Variants in SPATA16 observed in about 807,000 individuals in gnomAD.
SPATA16 encodes spermatogenesis-associated protein 16.
A neutral mutation model predicts 63.3 loss-of-function variants in SPATA16; 36 were observed. The ratio of observed to expected loss-of-function variants is 0.57; its 90% CI spans 0.44 to 0.75. The LOEUF (loss-of-function observed/expected upper bound fraction) is 0.75, where lower values mean the gene tolerates loss of function less well. SPATA16 is among the 30% of genes least tolerant of loss of function. SPATA16 has a pLI of 0.00. For synonymous variants in SPATA16, 203 were observed against 216.7 expected, an observed-to-expected ratio of 0.94 and a Z score of 0.56; for missense variants, 646 against 679.3, an observed-to-expected ratio of 0.95 and a Z score of 0.54.
At chr3:172,951,349 C>T (rs1271181570) in intron 6 of SPATA16, among the ~76,000 whole-genome samples, 1 of 151,984 alleles carries the variant, frequency 6.6e-6, no homozygotes, top group African/African-American at 2.4e-5. Flanking sequence ...ATCTACAAGG[C>T]AGATTTGAAT....
intron 10 of SPATA16, among the ~76,000 whole-genome samples, chr3:172,901,845 C>A (rs1421644527): frequency 6.6e-6 from 1 of 152,152 alleles, no homozygotes; most frequent in Admixed American, 6.5e-5. Context: ...ACTGACACAA[C>A]ATTGTGGGAG....
At chr3:173,072,075 A>G (rs7649530) in intron 2 of SPATA16, among the ~76,000 whole-genome samples, 28,273 of 152,032 alleles carry the variant, frequency 0.19, 2,965 homozygotes, top group African/African-American at 0.29. Context: ...ATGTATCCAA[A>G]AGAAAATGAA....
At chr3:172,969,413 T>C (rs1442546479) in intron 5 of SPATA16, among the ~76,000 whole-genome samples, 2 of 152,206 alleles carry the variant, frequency 1.3e-5, no homozygotes, top group African/African-American at 4.8e-5. Context: ...TATGGTGGGC[T>C]AAGTTGGTCA....
chr3:172,904,975 C>A (rs1181915579), intron 10 of SPATA16, among the ~76,000 whole-genome samples: 1 of 152,106 alleles, frequency 6.6e-6, no homozygotes, highest in Non-Finnish European at 1.5e-5. Flanking sequence ...ATCCATTAGT[C>A]CCAGGAACCT....
At chr3:173,075,431 GA>G (rs1298573189) in intron 2 of SPATA16, among the ~76,000 whole-genome samples, 1 of 152,080 alleles carries the variant, frequency 6.6e-6, no homozygotes, top group Non-Finnish European at 1.5e-5. Context: ...CTGCTGGATA[GA>G]TACCTAATAG....
intron 2 of SPATA16, among the ~76,000 whole-genome samples, chr3:173,092,964 A>G (rs1737259585): frequency 6.6e-6 from 1 of 151,118 alleles, no homozygotes; most frequent in African/African-American, 2.4e-5. Flanking sequence ...CTATCATTGT[A>G]CTGTATTTCC....
intron 2 of SPATA16, among the ~76,000 whole-genome samples, chr3:173,096,761 CAT>C: frequency 6.6e-6 from 1 of 152,144 alleles, no homozygotes; most frequent in African/African-American, 2.4e-5. Flanking sequence ...TGCAAAATGA[CAT>C]GTGTACAAGG....
intron 3 of SPATA16, among the ~76,000 whole-genome samples, chr3:173,031,435 A>G (rs775676902): frequency 7.2e-5 from 11 of 151,968 alleles, no homozygotes; most frequent in Non-Finnish European, 1.6e-4. Context: ...TTAAACAAGC[A>G]ATTGTTCAAC....
intron 8 of SPATA16, among the ~76,000 whole-genome samples, chr3:172,919,079 G>T (rs1732563372): frequency 6.6e-6 from 1 of 152,220 alleles, no homozygotes; most frequent in Non-Finnish European, 1.5e-5. Context: ...GAAATTAAAA[G>T]TAAAATTAAT....
At chr3:173,112,316 T>C (rs137994074) in intron 2 of SPATA16, among the ~76,000 whole-genome samples, 6 of 152,324 alleles carry the variant, frequency 3.9e-5, no homozygotes, top group East Asian at 3.9e-4. Flanking sequence ...TCACAGAGCG[T>C]AGTGCTCCTC....
intron 10 of SPATA16, among the ~76,000 whole-genome samples, chr3:172,902,928 C>T (rs1732152518): frequency 6.6e-6 from 1 of 152,156 alleles, no homozygotes; most frequent in Non-Finnish European, 1.5e-5. Flanking sequence ...CATGTAAAGG[C>T]ACTTTTATTT....
chr3:173,107,745 T>C (rs1214070421), intron 2 of SPATA16, among the ~76,000 whole-genome samples: 1 of 152,180 alleles, frequency 6.6e-6, no homozygotes, highest in Non-Finnish European at 1.5e-5. Flanking sequence ...TGAAGTTGTA[T>C]GTGTAGGAAG....
chr3:173,067,929 C>A (rs745502698), intron 2 of SPATA16, among the ~76,000 whole-genome samples: 3 of 152,132 alleles, frequency 2.0e-5, no homozygotes, highest in Admixed American at 1.3e-4. Context: ...TCAATGGAAT[C>A]CTTACAGGCC....
intron 4 of SPATA16, among the ~76,000 whole-genome samples, chr3:173,015,668 A>C (rs1735165781): frequency 6.6e-6 from 1 of 152,198 alleles, no homozygotes; most frequent in South Asian, 2.1e-4. Context: ...AAACCTGCTA[A>C]TTTAATTCAC....
chr3:173,040,519 G>A (rs992811574), intron 3 of SPATA16, among the ~76,000 whole-genome samples: 1 of 152,142 alleles, frequency 6.6e-6, no homozygotes, highest in African/African-American at 2.4e-5. Flanking sequence ...AATCACACAT[G>A]AGGAAAGCAA....
chr3:172,936,455 C>A (rs1732995810), intron 6 of SPATA16, among the ~76,000 whole-genome samples: 3 of 152,132 alleles, frequency 2.0e-5, no homozygotes, highest in Admixed American at 6.5e-5. Context: ...TCATGCATTT[C>A]TCTATACATG....
At position 172,952,049 on chromosome 3, in the gene SPATA16, G is replaced by T. The variant is rs538364539; in HGVS notation, c.1081+4628C>A. On this transcript the variant is annotated intron_variant, in intron 6 of 10. Transcript: ENST00000351008. Reference sequence around the variant, plus strand: ...TTGTATTTTATCTCTTGGAGCATCAGTGTCTCTCTGGAAATATTATCTTTC... The same window carrying T: ...TTGTATTTTATCTCTTGGAGCATCATTGTCTCTCTGGAAATATTATCTTTC... Among the ~76,000 whole-genome samples the T allele has an allele frequency of 1.1e-3, 172 of 152,270 alleles. 1 individual carries two copies. The highest frequency in any genetic ancestry group is 4.0e-3 in the African/African-American group (167 of 41,560).
In SPATA16 at chr3:172,930,991, T is replaced by A. The variant is rs528513786; in HGVS notation, c.1082-5499A>T. Among the ~76,000 whole-genome samples the A allele has an allele frequency of 7.9e-5, 12 of 151,184 alleles. No homozygotes were observed. In the South Asian group the frequency reaches 2.5e-3, roughly 32 times the overall value. On this transcript the variant is annotated intron_variant, in intron 6 of 10. Coordinates refer to ENST00000351008, the MANE Select transcript of SPATA16 (RefSeq NM_031955.6). ...GCGCCTGCCACCGTGCTCAGCTAAT[T>A]TTTGTTATTTTTAGTAGAGATGGGG...
chr3:173,070,640 A>G (rs914445832), intron 2 of SPATA16, among the ~76,000 whole-genome samples: 1 of 152,230 alleles, frequency 6.6e-6, no homozygotes, highest in Non-Finnish European at 1.5e-5. Flanking sequence ...AAATCATCTT[A>G]CAAAAGTCCG....
Sources: allele counts gnomAD v4.1 joint callset (sites outside exome capture counted in the v4.1 genomes callset), GRCh38; gene constraint gnomAD v4.1.1; transcripts MANE v1.5; gene names NCBI Gene and HGNC (gene_info 2026-07-23, HGNC 2026-07-21).